PELI2: variants seen among roughly 807,000 people sequenced by gnomAD.
The protein encoded by PELI2 is pellino E3 ubiquitin protein ligase family member 2, also known as E3 ubiquitin-protein ligase pellino homolog 2.
PELI2 carries 23 observed loss-of-function variants against 42.3 expected under a neutral mutation model. The observed-to-expected ratio is 0.54, with a 90% CI of 0.39 to 0.77. The LOEUF (loss-of-function observed/expected upper bound fraction) is 0.77, where lower values mean the gene tolerates loss of function less well. PELI2 is among the 30% of genes least tolerant of loss of function. PELI2 has a pLI of 0.00. For missense variants in PELI2, 463 were observed against 553.2 expected (o/e 0.84, Z 1.64); for synonymous variants, 245 against 212.2 (o/e 1.15, Z -1.34).
chr14:56,173,896 G>C (rs970229444), intron 1 of PELI2, among the ~76,000 whole-genome samples: 2 of 152,118 alleles, frequency 1.3e-5, no homozygotes, highest in African/African-American at 2.4e-5. Flanking sequence ...ATTCACAAGT[G>C]ACATGGATGT....
intron 2 of PELI2, among the ~76,000 whole-genome samples, chr14:56,253,079 A>T (rs547811245): frequency 3.3e-4 from 50 of 152,338 alleles, no homozygotes; most frequent in Admixed American, 5.9e-4. Context: ...TCCATCACAT[A>T]AACAGAACCA....
At chr14:56,122,836 T>C (rs1006648240) in intron 1 of PELI2, among the ~76,000 whole-genome samples, 1 of 152,218 alleles carries the variant, frequency 6.6e-6, no homozygotes, top group Non-Finnish European at 1.5e-5. Flanking sequence ...ATTACAGAAG[T>C]GCACATGTGT....
chr14:56,253,787 G>T (rs981692999), intron 2 of PELI2, among the ~76,000 whole-genome samples: 1 of 151,440 alleles, frequency 6.6e-6, no homozygotes, highest in African/African-American at 2.4e-5. Flanking sequence ...AAAAGATTCA[G>T]TGCTATCCCC....
At chr14:56,156,388 T>C (rs1884566515) in intron 1 of PELI2, among the ~76,000 whole-genome samples, 1 of 152,160 alleles carries the variant, frequency 6.6e-6, no homozygotes, top group African/African-American at 2.4e-5. Flanking sequence ...AAAAACATCT[T>C]CAAGCAGAGA....
chr14:56,291,325 A>G (rs1889822779), intron 5 of PELI2, among the ~76,000 whole-genome samples: 1 of 152,230 alleles, frequency 6.6e-6, no homozygotes, highest in South Asian at 2.1e-4. Flanking sequence ...GAGAAAGATC[A>G]TCACCAAAAA....
At chr14:56,262,910 T>C (rs570087064) in intron 2 of PELI2, among the ~76,000 whole-genome samples, 2 of 152,314 alleles carry the variant, frequency 1.3e-5, no homozygotes, top group South Asian at 4.1e-4. Flanking sequence ...ATAATAACTT[T>C]TACCCAAATT....
At chr14:56,223,547 G>A (rs1332727246) in intron 2 of PELI2, among the ~76,000 whole-genome samples, 1 of 152,170 alleles carries the variant, frequency 6.6e-6, no homozygotes. Context: ...TGTGGATTGG[G>A]TGCAGTCATA....
intron 3 of PELI2, among the ~76,000 whole-genome samples, chr14:56,286,626 C>A (rs1047041254): frequency 6.6e-6 from 1 of 152,226 alleles, no homozygotes; most frequent in Non-Finnish European, 1.5e-5. Flanking sequence ...GTGTGCATGA[C>A]TGCCTTTAAA....
At chr14:56,204,243 A>T (rs1170054095) in intron 2 of PELI2, among the ~76,000 whole-genome samples, 1 of 152,256 alleles carries the variant, frequency 6.6e-6, no homozygotes, top group Non-Finnish European at 1.5e-5. Flanking sequence ...GCTATTGTCC[A>T]GGCAAGGTGA....
Position 56,193,816 on chromosome 14 carries a change from C to A in PELI2, c.207+15352C>A, listed in dbSNP as rs552316999. On this transcript the variant is annotated intron_variant, in intron 2 of 5. Transcript: ENST00000267460. The stretch of plus-strand genomic sequence containing the variant: ...GAGATTTTTAAAGGGAAGTCAGCCT[C>A]CTTTTTTGCCAAAATAAAGGAGTAT... Among the ~76,000 whole-genome samples the A allele has an allele frequency of 6.5e-4, 99 of 152,292 alleles. 3 individuals carry two copies. In the South Asian group the frequency reaches 0.02, roughly 31 times the overall value.
intron 5 of PELI2, among the ~76,000 whole-genome samples, chr14:56,294,270 A>G (rs2139906052): frequency 6.6e-6 from 1 of 152,334 alleles, no homozygotes; most frequent in South Asian, 2.1e-4. Flanking sequence ...ACCAGGGCTC[A>G]GCTGGAGCAG....
chr14:56,152,204 C>T (rs1273160948), intron 1 of PELI2, among the ~76,000 whole-genome samples: 1 of 152,174 alleles, frequency 6.6e-6, no homozygotes, highest in Non-Finnish European at 1.5e-5. Flanking sequence ...GAGTTTCCTT[C>T]AGATGGACAG....
intron 2 of PELI2, among the ~76,000 whole-genome samples, chr14:56,247,749 C>T (rs1888212337): frequency 6.6e-6 from 1 of 152,170 alleles, no homozygotes; most frequent in African/African-American, 2.4e-5. Flanking sequence ...TATAAATCTA[C>T]TTTGGGTATT....
At position 56,178,431 on chromosome 14, in the gene PELI2, C is replaced by G. The variant is rs761615441; in HGVS notation, c.174C>G (p.Thr58=). 5 of 1,614,050 alleles carry G rather than the reference C, an allele frequency of 3.1e-6. No homozygotes were observed. Among genetic ancestry groups the G allele is most frequent in the South Asian group, 1.1e-5 (1 of 91,088 alleles). The change falls in exon 2 of 6, where the codon ACC becomes ACG. Residue 58 remains threonine, a synonymous_variant. Coordinates refer to ENST00000267460, the MANE Select transcript of PELI2 (RefSeq NM_021255.3). ...RPKANGVKPS[T]VHVISTPQAS... ...AGGCAAATGGTGTCAAACCCAGCAC[C>G]GTCCATGTGATATCCACGCCCCAGG... is the stretch of plus-strand genomic sequence containing the variant.
In PELI2 at chr14:56,296,724, G is replaced by A. The variant is rs926573648; in HGVS notation, c.821G>A (p.Arg274Gln). 12 of 1,614,086 alleles carry A rather than the reference G, an allele frequency of 7.4e-6. No homozygotes were observed. Among genetic ancestry groups the A allele is most frequent in the South Asian group, 1.1e-5 (1 of 91,082 alleles). ...TPTQKHIEAL[R>Q]QEINAARPQC... is the part of the protein sequence containing the mutation. ...ACTCAGAAGCACATAGAAGCCCTCC[G>A]GCAGGAGATTAACGCCGCCCGGCCT... is the stretch of plus-strand genomic sequence containing the variant. Residue 274 changes from arginine (R) to glutamine (Q), a missense_variant, in exon 6 of 6, where the codon CGG becomes CAG. By Grantham distance (43) the Arg-to-Gln change is conservative (BLOSUM62 1). Around this residue, in one of 3 missense-constraint regions of PELI2, gnomAD observed 343 missense variants for 378.4 expected, o/e 0.91. Coordinates refer to ENST00000267460, the MANE Select transcript of PELI2 (RefSeq NM_021255.3).
rs145994775 is a variant in PELI2, at chr14:56,197,243, T to C, written c.207+18779T>C. Among the ~76,000 whole-genome samples, 1 of 152,294 alleles carries C rather than the reference T, an allele frequency of 6.6e-6. No homozygotes were observed. The highest frequency in any genetic ancestry group is 1.5e-5 in the Non-Finnish European group (1 of 68,020). ...TGTCAAGGAAACAAACAGTGGAGAATACTGTGAGGGCCAGGGACACATATT... is the reference window on the plus strand; with the variant it reads ...TGTCAAGGAAACAAACAGTGGAGAACACTGTGAGGGCCAGGGACACATATT... On this transcript the variant is annotated intron_variant, in intron 2 of 5. Transcript: ENST00000267460. The surrounding 1 kb of genome is among the most constrained non-coding windows in gnomAD (Gnocchi z 4.9).
intron 1 of PELI2, among the ~76,000 whole-genome samples, chr14:56,173,642 A>T (rs1885261722): frequency 6.6e-6 from 1 of 152,066 alleles, no homozygotes; most frequent in East Asian, 1.9e-4. Flanking sequence ...GAAGGCTCTT[A>T]AGGGGAGAAT....
chr14:56,134,888 T>A (rs978102029), intron 1 of PELI2, among the ~76,000 whole-genome samples: 9 of 152,114 alleles, frequency 5.9e-5, no homozygotes, highest in Non-Finnish European at 1.3e-4. Context: ...CCAACCTGAC[T>A]TCAGTTCGTA....
chr14:56,163,243 T>C (rs1038967707), intron 1 of PELI2, among the ~76,000 whole-genome samples: 6 of 152,214 alleles, frequency 3.9e-5, no homozygotes, highest in African/African-American at 1.4e-4. Context: ...CATTTTGATT[T>C]GATTTTTGTA....
Sources: gnomAD v4.1 joint callset for allele counts (sites outside exome capture counted in the v4.1 genomes callset) on GRCh38, gnomAD v4.1.1 for gene constraint, gnomAD v4.1.1 regional missense constraint, Gnocchi (gnomAD v3.1) non-coding constraint, MANE v1.5 for transcripts, NCBI Gene and HGNC (gene_info 2026-07-23, HGNC 2026-07-21) for gene names.